The following APOBEC3G variants were observed in gnomAD, a reference collection of about 807,000 sequenced individuals.
APOBEC3G encodes the protein apolipoprotein B mRNA editing enzyme catalytic subunit 3G.
APOBEC3G carries 44 observed loss-of-function variants against 50.0 expected under a neutral mutation model. The observed-to-expected ratio is 0.88, with a 90% CI of 0.69 to 1.13. APOBEC3G has a LOEUF of 1.13. Among genes scored for constraint, APOBEC3G ranks in the 50% most tolerant of loss-of-function variants. The pLI is 0.00. For synonymous variants in APOBEC3G, 156 were observed against 175.3 expected, an observed-to-expected ratio of 0.89 and a Z score of 0.87; for missense variants, 469 against 492.0, an observed-to-expected ratio of 0.95 and a Z score of 0.44.
chr22:39,081,691 C>T, intron 4 of APOBEC3G, 106 bp downstream of exon 4: 2 of 877,060 alleles, frequency 2.3e-6, no homozygotes, highest in African/African-American at 1.7e-5. Context: ...GCCAGGCCCT[C>T]CTGCCTTCCC....
At position 39,083,797 on chromosome 22, in the gene APOBEC3G, T is replaced by C; in HGVS notation, c.648T>C (p.His216=). The C allele has an allele frequency of 6.2e-7, 1 of 1,611,914 alleles. No homozygotes were observed. The highest frequency in any genetic ancestry group is 8.5e-7 in the Non-Finnish European group (1 of 1,178,226). ...FNNEPWVRGR[H]ETYLCYEVER... is the part of the protein sequence containing the mutation. Reference sequence around the variant, plus strand: ...ATGAACCTTGGGTCAGAGGACGGCATGAGACTTACCTGTGTTATGAGGTGG... The same window carrying C: ...ATGAACCTTGGGTCAGAGGACGGCACGAGACTTACCTGTGTTATGAGGTGG... Residue 216 remains histidine, a synonymous_variant, in exon 5 of 8, where the codon CAT becomes CAC. Transcript: ENST00000407997.
In APOBEC3G at chr22:39,087,697, C is replaced by A. The variant is rs903134610; in HGVS notation, c.*276C>A. On this transcript the variant is annotated 3_prime_UTR_variant, in exon 8 of 8. Coordinates refer to ENST00000407997, the MANE Select transcript of APOBEC3G (RefSeq NM_021822.4). ...CTACTAATCCAGCGACAATTTGAAT[C>A]GGTTTTGTAGGTAGAGGAATAAAAT... The A allele has an allele frequency of 5.5e-6, 3 of 546,400 alleles. No individual in the cohort carries two copies. The highest frequency in any genetic ancestry group is 6.3e-6 in the Non-Finnish European group (2 of 318,820). 33.8% of individuals were successfully genotyped at this position (546,400 alleles called of 1,614,324 possible). A position where few individuals can be genotyped will look rare whatever the true frequency, so the allele number is the denominator to read the frequency against.
intron 3 of APOBEC3G, 62 bp downstream of exon 3, chr22:39,081,289 C>G: frequency 6.3e-7 from 1 of 1,581,662 alleles, no homozygotes; most frequent in Non-Finnish European, 8.6e-7. Flanking sequence ...ATGGGTCCTT[C>G]CCACACATAC....
rs768088704 is a variant in APOBEC3G at position 39,087,415 on chromosome 22, A to G, written c.1149A>G (p.Glu383=). The G allele has an allele frequency of 1.2e-6, 2 of 1,613,860 alleles. No homozygotes were observed. The highest frequency in any genetic ancestry group is 4.5e-5 in the East Asian group (2 of 44,900). Residue 383 remains glutamate, a synonymous_variant, in exon 8 of 8, where the codon GAA becomes GAG. Coordinates refer to ENST00000407997, the MANE Select transcript of APOBEC3G (RefSeq NM_021822.4). ...CCTCCCTGCTCTTCCAGAATCAGGA[A>G]AACTGAAGGATGGGCCTCAGTCTCT... is the stretch of plus-strand genomic sequence containing the variant. The part of the protein sequence containing the change: ...GRLRAILQNQ[E]N
intron 5 of APOBEC3G, among the ~76,000 whole-genome samples, chr22:39,084,165 C>T (rs1928597317): frequency 6.6e-6 from 1 of 152,192 alleles, no homozygotes; most frequent in Non-Finnish European, 1.5e-5. Flanking sequence ...GCCGTCCCCA[C>T]TCCTGCTGTG....
rs142987758 is a variant in APOBEC3G at position 39,086,455 on chromosome 22, C to T, written c.912C>T (p.His304=). The part of the protein sequence containing the change: ...EMAKFISKNK[H]VSLCIFTARI... Reference sequence around the variant, plus strand: ...CTAAATTCATTTCAAAAAACAAACACGTGAGCCTGTGCATCTTCACTGCCC... The same window carrying T: ...CTAAATTCATTTCAAAAAACAAACATGTGAGCCTGTGCATCTTCACTGCCC... Residue 304 remains histidine (H), a synonymous_variant, in exon 6 of 8, where the codon CAC becomes CAT. Coordinates refer to ENST00000407997, the MANE Select transcript of APOBEC3G (RefSeq NM_021822.4). The T allele has an allele frequency of 2.2e-5, 35 of 1,614,042 alleles. No individual in the cohort carries two copies. In the African/African-American group the frequency reaches 3.9e-4, roughly 18 times the overall value.
chr22:39,084,581 C>T (rs1382388288), intron 5 of APOBEC3G, among the ~76,000 whole-genome samples: 2 of 152,062 alleles, frequency 1.3e-5, no homozygotes, highest in African/African-American at 2.4e-5. Context: ...CTCACAGACA[C>T]AGCTCCCACC....
chr22:39,086,878 G>A, intron 6 of APOBEC3G, 133 bp from the exon 7 acceptor site: 1 of 1,125,368 alleles, frequency 8.9e-7, no homozygotes. Context: ...AAGGAGCTAA[G>A]TCCCTAGGGG....
At chr22:39,082,011 C>T (rs1200910886) in intron 4 of APOBEC3G, 1 of 168,424 alleles carries the variant, frequency 5.9e-6, no homozygotes, top group African/African-American at 2.4e-5. Flanking sequence ...AAGGAGCTGC[C>T]TCCATGGAAA....
chr22:39,085,761 C>T (rs1443182491), intron 5 of APOBEC3G, among the ~76,000 whole-genome samples: 2 of 152,016 alleles, frequency 1.3e-5, no homozygotes, highest in Non-Finnish European at 2.9e-5. Context: ...GTGGTGCATG[C>T]CTGCAGTCCC....
intron 3 of APOBEC3G, 88 bp from the exon 4 acceptor site, chr22:39,081,383 A>C: frequency 2.6e-6 from 4 of 1,530,226 alleles, no homozygotes; most frequent in Non-Finnish European, 3.6e-6. Context: ...TGTAACTAGT[A>C]TCTAGAATAT....
At chr22:39,078,892 G>A (rs1569082290) in intron 1 of APOBEC3G, 40 bp from the exon 2 acceptor site, 1 of 1,611,668 alleles carries the variant, frequency 6.2e-7, no homozygotes, top group Non-Finnish European at 8.5e-7. Context: ...GCCCCCAGGA[G>A]TGCTCTCTAC....
chr22:39,086,796 C>T (rs1928715613), intron 6 of APOBEC3G, among the ~76,000 whole-genome samples: 1 of 152,088 alleles, frequency 6.6e-6, no homozygotes, highest in Non-Finnish European at 1.5e-5. Context: ...GAAGTGGAAG[C>T]AGAACTTGGG....
Position 39,081,490 on chromosome 22 carries a change from C to G in APOBEC3G, c.486C>G (p.Ser162Arg). 1 of 1,614,162 alleles carries G rather than the reference C, an allele frequency of 6.2e-7. No homozygotes were observed. The highest frequency in any genetic ancestry group is 8.5e-7 in the Non-Finnish European group (1 of 1,180,002). Residue 162 changes from serine to arginine, a missense_variant, in exon 4 of 8, where the codon AGC becomes AGG. Transcript: ENST00000407997. ...MNYDEFQHCWSKFVYSQRELF... is the reference protein window; with the variant it reads ...MNYDEFQHCWRKFVYSQRELF... ...TCTTAGAATTTCAGCACTGTTGGAG[C>G]AAGTTCGTGTACAGCCAAAGAGAGC...
intron 6 of APOBEC3G, 69 bp downstream of exon 6, chr22:39,086,636 A>G: frequency 6.6e-7 from 1 of 1,520,914 alleles, no homozygotes; most frequent in Non-Finnish European, 8.8e-7. Context: ...AGTTACTAGA[A>G]AGTGGGGAGG....
intron 2 of APOBEC3G, 25 bp downstream of exon 2, chr22:39,079,110 T>G: frequency 6.2e-7 from 1 of 1,612,966 alleles, no homozygotes; most frequent in Non-Finnish European, 8.5e-7. Flanking sequence ...CCAATCACTT[T>G]GCAGGCAGGA....
chr22:39,087,090 C>A lies in APOBEC3G; in HGVS notation c.1104C>A (p.Ser368Arg). 4.3e-6 allele frequency: 7 copies of A among 1,613,920 alleles called. No individual in the cohort carries two copies. The highest frequency in any genetic ancestry group is 5.9e-6 in the Non-Finnish European group (7 of 1,180,004). The part of the protein sequence containing the change: ...FQPWDGLDEH[S>R]QDLSGRLRAI... ...CCTGGGATGGACTAGATGAGCACAG[C>A]CAAGACCTGAGTGGGAGGCTGCGGG... Residue 368 changes from serine to arginine, a missense_variant, in exon 7 of 8, where the codon AGC becomes AGA. Coordinates refer to ENST00000407997, the MANE Select transcript of APOBEC3G (RefSeq NM_021822.4).
intron 2 of APOBEC3G, chr22:39,079,305 CTTTTCTTTTCTT>C: frequency 3.6e-6 from 2 of 556,018 alleles, no homozygotes. Context: ...TTCCGTTTTT[CTTTTCTTTTCTT>C]TTTTCTTTTT....
In APOBEC3G at chr22:39,081,497, G is replaced by A. The variant is rs565557291; in HGVS notation, c.493G>A (p.Val165Met). The change falls in exon 4 of 8, where the codon GTG becomes ATG. Residue 165 changes from valine (V) to methionine (M), a missense_variant. Transcript: ENST00000407997. ...DEFQHCWSKF[V>M]YSQRELFEPW... ...ATTTCAGCACTGTTGGAGCAAGTTC[G>A]TGTACAGCCAAAGAGAGCTATTTGA... 1.1e-5 allele frequency: 17 copies of A among 1,614,028 alleles called. No individual in the cohort carries two copies. Among genetic ancestry groups the A allele is most frequent in the African/African-American group, 2.7e-5 (2 of 74,924 alleles).
Sources: allele counts gnomAD v4.1 joint callset (sites outside exome capture counted in the v4.1 genomes callset), GRCh38; gene constraint gnomAD v4.1.1; transcripts MANE v1.5; gene names NCBI Gene and HGNC (gene_info 2026-07-23, HGNC 2026-07-21).